CNTN5: variants seen among roughly 807,000 people sequenced by gnomAD.
The protein encoded by CNTN5 is contactin 5.
Under a neutral mutation model 129.1 loss-of-function variants are expected in CNTN5, and 77 were observed. The observed-to-expected ratio is 0.60, with a 90% CI of 0.50 to 0.72. The LOEUF (loss-of-function observed/expected upper bound fraction) is 0.72, where lower values mean the gene tolerates loss of function less well. CNTN5 is among the 30% of genes least tolerant of loss of function. The probability of loss-of-function intolerance (pLI) is 0.00; values close to 1 mark genes in which losing one functional copy is unlikely to be tolerated. For missense variants in CNTN5, 1,478 were observed against 1,328.8 expected (o/e 1.11, Z -1.75); for synonymous variants, 509 against 465.6 (o/e 1.09, Z -1.20).
intron 12 of CNTN5, among the ~76,000 whole-genome samples, chr11:100,072,886 A>T (rs916522885): frequency 6.7e-6 from 1 of 149,888 alleles, no homozygotes; most frequent in Non-Finnish European, 1.5e-5. Context: ...TAAAAGGCTG[A>T]TTCACCCTTC....
rs559456421 is a variant in CNTN5, at chr11:100,028,793, A to G, written c.980+26657A>G. ...AACCCACAAAAATGTTTCTATAGATATGAAATATTGGGAATAATTTGTTAG... is the reference window on the plus strand; with the variant it reads ...AACCCACAAAAATGTTTCTATAGATGTGAAATATTGGGAATAATTTGTTAG... On this transcript the variant is annotated intron_variant, in intron 9 of 24. Coordinates refer to ENST00000524871, the MANE Select transcript of CNTN5 (RefSeq NM_014361.4). 4.6e-5 allele frequency among the ~76,000 whole-genome samples: 7 copies of G among 152,336 alleles called. No homozygotes were observed. The South Asian group carries it at 1.4e-3, about 32-fold the overall frequency.
intron 9 of CNTN5, among the ~76,000 whole-genome samples, chr11:100,021,402 G>A (rs547313424): frequency 2.6e-4 from 40 of 152,230 alleles, no homozygotes; most frequent in African/African-American, 8.4e-4. Context: ...AAGTTATACA[G>A]AAAAGAGTTG....
At chr11:99,267,363 G>T (rs1389937534) in intron 1 of CNTN5, among the ~76,000 whole-genome samples, 1 of 151,968 alleles carries the variant, frequency 6.6e-6, no homozygotes. Context: ...GAATGATGAA[G>T]AAAATATCTT....
At chr11:99,170,844 A>C (rs1861114406) in intron 1 of CNTN5, among the ~76,000 whole-genome samples, 1 of 152,246 alleles carries the variant, frequency 6.6e-6, no homozygotes, top group South Asian at 2.1e-4. Flanking sequence ...TCTCAGTGCT[A>C]AATAGTCAGT....
At chr11:99,940,151 A>G (rs1195985009) in intron 7 of CNTN5, among the ~76,000 whole-genome samples, 2 of 152,154 alleles carry the variant, frequency 1.3e-5, no homozygotes, top group Non-Finnish European at 2.9e-5. Flanking sequence ...CACATCTGCA[A>G]TGCAGAGGAC....
At chr11:99,903,595 A>G (rs980725331) in intron 6 of CNTN5, among the ~76,000 whole-genome samples, 1 of 152,132 alleles carries the variant, frequency 6.6e-6, no homozygotes, top group Non-Finnish European at 1.5e-5. Flanking sequence ...AGTAGAGTCT[A>G]GTGGAGGCAA....
intron 13 of CNTN5, among the ~76,000 whole-genome samples, chr11:100,084,374 G>A (rs1944471128): frequency 6.6e-6 from 1 of 152,102 alleles, no homozygotes; most frequent in Admixed American, 6.6e-5. Context: ...AAAATGGTGA[G>A]GAGAGAAGAT....
chr11:99,224,517 A>G (rs977021098), intron 1 of CNTN5, among the ~76,000 whole-genome samples: 1 of 152,130 alleles, frequency 6.6e-6, no homozygotes, highest in East Asian at 1.9e-4. Context: ...TCAAGATGGT[A>G]TCTGTAATGA....
Position 100,125,178 on chromosome 11 carries a change from T to A in CNTN5, c.1580+50884T>A, listed in dbSNP as rs112026781. Among the ~76,000 whole-genome samples, 945 of 152,186 alleles carry A rather than the reference T, an allele frequency of 6.2e-3. 8 individuals are homozygous for A. The highest frequency in any genetic ancestry group is 0.02 in the African/African-American group (827 of 41,556). On this transcript the variant is annotated intron_variant, in intron 13 of 24. Coordinates refer to ENST00000524871, the MANE Select transcript of CNTN5 (RefSeq NM_014361.4). ...TTATACAGGCATTCTTTCCAGTTTT[T>A]TTCAACTTTTATTTTAGATTCAAGG...
chr11:99,667,529 G>T (rs1254510312), intron 3 of CNTN5, among the ~76,000 whole-genome samples: 1 of 152,104 alleles, frequency 6.6e-6, no homozygotes, highest in African/African-American at 2.4e-5. Flanking sequence ...GAAGCATGGT[G>T]TTTGACCCAT....
chr11:99,503,911 T>C (rs1476549233), intron 2 of CNTN5, among the ~76,000 whole-genome samples: 3 of 152,184 alleles, frequency 2.0e-5, no homozygotes, highest in Non-Finnish European at 4.4e-5. Flanking sequence ...ATTAGCAAGA[T>C]ACATCGTTTA....
intron 2 of CNTN5, among the ~76,000 whole-genome samples, chr11:99,395,922 A>G (rs1007476503): frequency 6.6e-6 from 1 of 151,962 alleles, no homozygotes; most frequent in Non-Finnish European, 1.5e-5. Context: ...TTGTACCAGT[A>G]CCATGCTGTT....
At chr11:99,771,114 A>C (rs1591137437) in intron 3 of CNTN5, among the ~76,000 whole-genome samples, 1 of 152,084 alleles carries the variant, frequency 6.6e-6, no homozygotes, top group Non-Finnish European at 1.5e-5. Context: ...ATATCATTTC[A>C]TACCTGAATT....
At chr11:99,882,642 C>A (rs1021223171) in intron 6 of CNTN5, among the ~76,000 whole-genome samples, 5 of 151,766 alleles carry the variant, frequency 3.3e-5, no homozygotes, top group African/African-American at 1.2e-4. Flanking sequence ...ACATAAAATG[C>A]CTAATAATCA....
At chr11:99,199,661 A>C (rs1859071853) in intron 1 of CNTN5, among the ~76,000 whole-genome samples, 1 of 152,186 alleles carries the variant, frequency 6.6e-6, no homozygotes, top group South Asian at 2.1e-4. Context: ...ACAAAATCCA[A>C]AAATGGCAAA....
chr11:100,242,645 G>A (rs902400859), intron 16 of CNTN5, among the ~76,000 whole-genome samples: 5 of 152,112 alleles, frequency 3.3e-5, no homozygotes, highest in Admixed American at 6.6e-5. Context: ...TCACCACCAC[G>A]ACAGCACCAA....
At chr11:100,036,679 T>C (rs559899884) in intron 9 of CNTN5, among the ~76,000 whole-genome samples, 1 of 150,692 alleles carries the variant, frequency 6.6e-6, no homozygotes, top group South Asian at 2.1e-4. Flanking sequence ...GAAGAGGTCC[T>C]TCACATCCCT....
intron 2 of CNTN5, among the ~76,000 whole-genome samples, chr11:99,350,278 T>A (rs1285306619): frequency 2.6e-5 from 4 of 152,194 alleles, no homozygotes; most frequent in Non-Finnish European, 5.9e-5. Flanking sequence ...ACCACCTGAA[T>A]GCCTAAAATT....
At chr11:99,432,407 CTCTGTT>C (rs1379177017) in intron 2 of CNTN5, among the ~76,000 whole-genome samples, 1 of 147,098 alleles carries the variant, frequency 6.8e-6, no homozygotes, top group Admixed American at 6.7e-5. Context: ...AGAGTTGGGG[CTCTGTT>C]TCTTTCTTTT....
Sources: gnomAD v4.1 joint callset for allele counts (sites outside exome capture counted in the v4.1 genomes callset) on GRCh38, gnomAD v4.1.1 for gene constraint, MANE v1.5 for transcripts, NCBI Gene and HGNC (gene_info 2026-07-23, HGNC 2026-07-21) for gene names.